Variants in ARHGAP25 observed in about 807,000 individuals in gnomAD.
ARHGAP25 encodes the protein Rho GTPase activating protein 25, also known as rho GTPase-activating protein 25.
ARHGAP25 carries 34 observed loss-of-function variants against 71.0 expected under a neutral mutation model. That is an observed-to-expected ratio of 0.48 (90% CI 0.36 to 0.64). ARHGAP25 has a LOEUF of 0.64. Among genes scored for constraint, ARHGAP25 ranks in the 30% least tolerant of loss-of-function variants. ARHGAP25 has a pLI of 0.00. For missense variants in ARHGAP25, 706 were observed against 805.1 expected (o/e 0.88, Z 1.49); for synonymous variants, 282 against 296.5 (o/e 0.95, Z 0.50).
intron 4 of ARHGAP25, among the ~76,000 whole-genome samples, chr2:68,791,795 T>C (rs1216568163): frequency 6.6e-6 from 1 of 152,292 alleles, no homozygotes; most frequent in South Asian, 2.1e-4. Flanking sequence ...ATGGCCCACA[T>C]AGTCTTCACG....
intron 2 of ARHGAP25, among the ~76,000 whole-genome samples, chr2:68,720,420 AATTATGTAGCC>A (rs1674734775): frequency 1.3e-5 from 2 of 152,146 alleles, no homozygotes; most frequent in Non-Finnish European, 2.9e-5. Context: ...ACTTCTTCTT[AATTATGTAGCC>A]ATTATGTAGC....
chr2:68,769,333 G>T (rs1677332514), intron 1 of ARHGAP25, among the ~76,000 whole-genome samples: 1 of 152,128 alleles, frequency 6.6e-6, no homozygotes, highest in Non-Finnish European at 1.5e-5. Flanking sequence ...AGCAGGCACT[G>T]GCTGGGACCT....
intron 1 of ARHGAP25, among the ~76,000 whole-genome samples, chr2:68,746,644 A>G (rs1464582143): frequency 6.6e-6 from 1 of 152,130 alleles, no homozygotes; most frequent in South Asian, 2.1e-4. Flanking sequence ...CTGACTGTGA[A>G]AAATGGAAAT....
At chr2:68,743,989 A>G (rs527466118) in intron 1 of ARHGAP25, among the ~76,000 whole-genome samples, 2 of 151,980 alleles carry the variant, frequency 1.3e-5, no homozygotes, top group South Asian at 4.2e-4. Context: ...ATATCTTTAA[A>G]CCTGGAGTCA....
intron 4 of ARHGAP25, among the ~76,000 whole-genome samples, chr2:68,798,049 G>A (rs544005029): frequency 6.6e-6 from 1 of 152,102 alleles, no homozygotes; most frequent in Admixed American, 6.5e-5. Context: ...ACACTTGCTT[G>A]GTTTCTCTAA....
In ARHGAP25 at chr2:68,782,212, G is replaced by A. The variant is rs367921948; in HGVS notation, c.262-21G>A. 8.3e-5 allele frequency: 134 copies of A among 1,609,966 alleles called. No homozygotes were observed. In the African/African-American group the frequency reaches 1.4e-3, roughly 17 times the overall value. On this transcript the variant is annotated intron_variant, in intron 2 of 10. Coordinates refer to ENST00000409202, the MANE Select transcript of ARHGAP25 (RefSeq NM_001007231.3). ...TATTAAATTGCTGCTTATCCTTAAG[G>A]CCTGACTTTTCATCTTTCAGGGCTG...
intron 1 of ARHGAP25, among the ~76,000 whole-genome samples, chr2:68,752,509 T>G (rs1676239009): frequency 6.6e-6 from 1 of 152,148 alleles, no homozygotes. Flanking sequence ...TCCACCTTTC[T>G]AAGGGCTCCT....
intron 4 of ARHGAP25, among the ~76,000 whole-genome samples, chr2:68,799,780 G>A (rs1243935002): frequency 6.6e-6 from 1 of 152,218 alleles, no homozygotes; most frequent in Admixed American, 6.5e-5. Flanking sequence ...GGCAGGTGCA[G>A]ACAGATCCCA....
chr2:68,770,623 A>G (rs1677429564), intron 1 of ARHGAP25, among the ~76,000 whole-genome samples: 1 of 152,238 alleles, frequency 6.6e-6, no homozygotes, highest in African/African-American at 2.4e-5. Context: ...TAACTTCTAC[A>G]GCAGAAACAA....
At chr2:68,735,614 A>G (rs1261351851) in intron 1 of ARHGAP25, 1 of 290,708 alleles carries the variant, frequency 3.4e-6, no homozygotes, top group Non-Finnish European at 6.5e-6. Flanking sequence ...GAACAGGAGC[A>G]CAAAGACTAG....
chr2:68,755,997 A>G (rs1318307894), intron 1 of ARHGAP25, among the ~76,000 whole-genome samples: 1 of 152,230 alleles, frequency 6.6e-6, no homozygotes, highest in Non-Finnish European at 1.5e-5. Context: ...CTCATAGAGG[A>G]TTATGTGTAC....
intron 1 of ARHGAP25, among the ~76,000 whole-genome samples, chr2:68,770,844 G>A (rs1436669814): frequency 6.6e-6 from 1 of 152,044 alleles, no homozygotes; most frequent in Non-Finnish European, 1.5e-5. Context: ...CTTCTTCTCT[G>A]GGCCCTCCAG....
In ARHGAP25 at chr2:68,734,856, G is replaced by A. The variant is rs188118557; in HGVS notation, c.-344G>A. The A allele has an allele frequency of 2.8e-3, 910 of 319,600 alleles. 2 individuals are homozygous for A. The highest frequency in any genetic ancestry group is 4.2e-3 in the Non-Finnish European group (722 of 171,882). The allele number at this position is 319,600 out of a possible 1,614,324, so 19.8% of individuals were successfully genotyped here. ...ACTCAGTAAGGCCTGAGATTCTTTC[G>A]AAAAGGAGCTTTGCTTCCCATGACG... On this transcript the variant is annotated 5_prime_UTR_variant, in exon 1 of 11. Transcript: ENST00000409202.
chr2:68,741,003 G>A (rs1473897578), intron 1 of ARHGAP25, among the ~76,000 whole-genome samples: 1 of 152,234 alleles, frequency 6.6e-6, no homozygotes, highest in Non-Finnish European at 1.5e-5. Context: ...CTACAAATGA[G>A]AGAGTAACAC....
chr2:68,724,110 G>A (rs995809049), intron 2 of ARHGAP25, among the ~76,000 whole-genome samples: 8 of 152,004 alleles, frequency 5.3e-5, no homozygotes, highest in African/African-American at 1.9e-4. Context: ...TGAGCCACTG[G>A]GGCCAGAGAG....
chr2:68,798,262 T>C (rs954073982), intron 4 of ARHGAP25, among the ~76,000 whole-genome samples: 1 of 152,218 alleles, frequency 6.6e-6, no homozygotes, highest in Non-Finnish European at 1.5e-5. Context: ...CACAGCACAA[T>C]TTAGCCTGGA....
intron 9 of ARHGAP25, among the ~76,000 whole-genome samples, chr2:68,820,117 T>C (rs577989667): frequency 6.6e-6 from 1 of 152,308 alleles, no homozygotes; most frequent in South Asian, 2.1e-4. Context: ...TAGGTCTTTC[T>C]GAAGGCAATG....
At chr2:68,816,241 C>T (rs745971910) in intron 6 of ARHGAP25, 48 bp from the exon 7 acceptor site, 10 of 1,498,074 alleles carry the variant, frequency 6.7e-6, no homozygotes, top group Admixed American at 3.3e-5. Flanking sequence ...GGCACATGGG[C>T]AGGCTCATTT....
At chr2:68,814,708 CCTGA>C (rs1239078578) in intron 6 of ARHGAP25, among the ~76,000 whole-genome samples, 1 of 152,138 alleles carries the variant, frequency 6.6e-6, no homozygotes, top group Non-Finnish European at 1.5e-5. Flanking sequence ...AACTTCCATC[CCTGA>C]CTAAGGGTGG....
Sources: allele counts gnomAD v4.1 joint callset (sites outside exome capture counted in the v4.1 genomes callset), GRCh38; gene constraint gnomAD v4.1.1; transcripts MANE v1.5; gene names NCBI Gene and HGNC (gene_info 2026-07-23, HGNC 2026-07-21).